Variants in WARS2 observed in about 807,000 individuals in gnomAD.
The protein encoded by WARS2 is tryptophanyl tRNA synthetase 2, mitochondrial, also known as tryptophan--tRNA ligase, mitochondrial.
Under a neutral mutation model 36.5 loss-of-function variants are expected in WARS2, and 28 were observed. The observed-to-expected ratio is 0.77, with a 90% CI of 0.57 to 1.05. WARS2 has a LOEUF of 1.05. Among genes scored for constraint, WARS2 ranks in the 50% least tolerant of loss-of-function variants. WARS2 has a pLI of 0.00. For missense variants in WARS2, 435 were observed against 456.8 expected (o/e 0.95, Z 0.44); for synonymous variants, 174 against 178.4 (o/e 0.98, Z 0.20).
chr1:119,125,303 T>C (rs1002890380), intron 1 of WARS2, among the ~76,000 whole-genome samples: 1 of 152,180 alleles, frequency 6.6e-6, no homozygotes, highest in Non-Finnish European at 1.5e-5. Context: ...GGTCCTCTGC[T>C]GACCACCTAA....
At chr1:119,116,324 T>C (rs1204340964) in intron 1 of WARS2, among the ~76,000 whole-genome samples, 1 of 152,096 alleles carries the variant, frequency 6.6e-6, no homozygotes, top group African/African-American at 2.4e-5. Flanking sequence ...AAAACAAAGA[T>C]AAGTCAACTT....
chr1:119,081,256 T>C (rs888172807), intron 1 of WARS2, among the ~76,000 whole-genome samples: 5 of 152,344 alleles, frequency 3.3e-5, no homozygotes, highest in Middle Eastern at 6.8e-3. Flanking sequence ...AATTGAAAAT[T>C]CCCAAGTTAT....
chr1:119,072,749 T>G (rs1651422787), intron 2 of WARS2, among the ~76,000 whole-genome samples: 3 of 152,168 alleles, frequency 2.0e-5, no homozygotes, highest in Non-Finnish European at 2.9e-5. Context: ...TAGGCGTCAT[T>G]ACAGTATTAT....
chr1:119,044,707 C>G (rs190928519), intron 3 of WARS2, among the ~76,000 whole-genome samples: 2 of 152,158 alleles, frequency 1.3e-5, no homozygotes, highest in Admixed American at 1.3e-4. Context: ...CTGTCAGGAG[C>G]AAGCGGTGTC....
At chr1:119,107,540 TG>T (rs1654324751) in intron 1 of WARS2, among the ~76,000 whole-genome samples, 1 of 152,130 alleles carries the variant, frequency 6.6e-6, no homozygotes, top group African/African-American at 2.4e-5. Flanking sequence ...TCTCTTCCAT[TG>T]TATTGCCTTT....
At chr1:119,104,677 T>C (rs1310978261) in intron 1 of WARS2, among the ~76,000 whole-genome samples, 1 of 147,852 alleles carries the variant, frequency 6.8e-6, no homozygotes. Context: ...CTACTTTAGA[T>C]AGGACGCACA....
At chr1:119,131,460 T>TTG (rs1557760473) in intron 1 of WARS2, among the ~76,000 whole-genome samples, 2 of 143,970 alleles carry the variant, frequency 1.4e-5, no homozygotes, top group Admixed American at 6.7e-5. Context: ...AGTTTTTTGT[T>TTG]TTTTGTTTTT....
chr1:119,085,801 T>C, intron 1 of WARS2: 1 of 1,608,350 alleles, frequency 6.2e-7, no homozygotes, highest in East Asian at 2.2e-5. Context: ...ACACAGATGA[T>C]GTCCCCTTCA....
At position 119,056,817 on chromosome 1, in the gene WARS2, A is replaced by C. The variant is rs1420451610; in HGVS notation, c.349-11155T>G. On this transcript the variant is annotated intron_variant, in intron 2 of 5. Coordinates refer to ENST00000235521, the MANE Select transcript of WARS2 (RefSeq NM_015836.4). ...ATGAAATTATATAATATAAACTCTT[A>C]TGCTTGGCTTTAATACTCAGCATGT... Among the ~76,000 whole-genome samples the C allele has an allele frequency of 2.6e-5, 4 of 152,132 alleles. No individual in the cohort carries two copies. The East Asian group carries it at 7.7e-4, about 29-fold the overall frequency.
At chr1:119,132,882 C>A (rs1423724747) in intron 1 of WARS2, among the ~76,000 whole-genome samples, 2 of 152,180 alleles carry the variant, frequency 1.3e-5, no homozygotes, top group African/African-American at 4.8e-5. Context: ...AAAGGACAAT[C>A]TTTCAGAATC....
chr1:119,035,879 G>A (rs1395941191), intron 4 of WARS2, among the ~76,000 whole-genome samples: 4 of 152,316 alleles, frequency 2.6e-5, no homozygotes, highest in Middle Eastern at 3.4e-3. Flanking sequence ...CATGACAGCA[G>A]ACCCAGAGTG....
chr1:119,060,449 T>C (rs1206714860), intron 2 of WARS2, among the ~76,000 whole-genome samples: 1 of 152,202 alleles, frequency 6.6e-6, no homozygotes, highest in African/African-American at 2.4e-5. Flanking sequence ...GCTCCCTCCT[T>C]AGGACATCAT....
chr1:119,096,402 C>G (rs587723933), intron 1 of WARS2, among the ~76,000 whole-genome samples: 1 of 152,028 alleles, frequency 6.6e-6, no homozygotes, highest in Non-Finnish European at 1.5e-5. Context: ...TATTCACCAG[C>G]GAAATATTTA....
chr1:119,126,479 ATT>A (rs35511707), intron 1 of WARS2: 39,162 of 333,902 alleles, frequency 0.12, 143 homozygotes, highest in East Asian at 0.14. Flanking sequence ...GGTAGATACT[ATT>A]TTTTTTTTTT....
intron 4 of WARS2, among the ~76,000 whole-genome samples, chr1:119,038,964 G>A (rs935960176): frequency 3.3e-5 from 5 of 152,200 alleles, no homozygotes; most frequent in Admixed American, 6.5e-5. Flanking sequence ...TTACAGGCGT[G>A]AGCCACTGTG....
chr1:119,047,102 A>T (rs1480875254), intron 2 of WARS2, among the ~76,000 whole-genome samples: 1 of 152,194 alleles, frequency 6.6e-6, no homozygotes, highest in Non-Finnish European at 1.5e-5. Flanking sequence ...AGTGACATTG[A>T]CACACTGTCC....
At position 119,116,974 on chromosome 1, in the gene WARS2, G is replaced by A. The variant is rs74712742; in HGVS notation, c.90+23581C>T. On this transcript the variant is annotated intron_variant, in intron 1 of 5. Coordinates refer to ENST00000235521, the MANE Select transcript of WARS2 (RefSeq NM_015836.4). ...TCACAGCCAAAGGTTCAGGCAGGCA[G>A]GGAGGTAAGAACTGAGAGCCCTGCT... is the stretch of plus-strand genomic sequence containing the variant. 3.1e-3 allele frequency among the ~76,000 whole-genome samples: 478 copies of A among 152,318 alleles called. 5 individuals are homozygous for A. Among genetic ancestry groups the A allele is most frequent in the African/African-American group, 0.011 (455 of 41,568 alleles).
At chr1:119,115,260 T>C (rs1654886244) in intron 1 of WARS2, among the ~76,000 whole-genome samples, 1 of 152,200 alleles carries the variant, frequency 6.6e-6, no homozygotes, top group African/African-American at 2.4e-5. Context: ...GCTTCCTCAG[T>C]TGTGGCAATC....
chr1:119,102,918 T>C (rs78963104), intron 1 of WARS2, among the ~76,000 whole-genome samples: 1,551 of 152,354 alleles, frequency 0.01, 22 homozygotes, highest in African/African-American at 0.035. Context: ...CTCACTTTCA[T>C]GAAGCTACAC....
Sources: allele counts gnomAD v4.1 joint callset (sites outside exome capture counted in the v4.1 genomes callset), GRCh38; gene constraint gnomAD v4.1.1; transcripts MANE v1.5; gene names NCBI Gene and HGNC (gene_info 2026-07-23, HGNC 2026-07-21).